CAMK2D: variants seen among roughly 807,000 people sequenced by gnomAD.
CAMK2D encodes calcium/calmodulin dependent protein kinase II delta, also known as calcium/calmodulin-dependent protein kinase type II subunit delta.
In CAMK2D, 37 loss-of-function variants were observed where a neutral mutation model predicts 84.0. That is an observed-to-expected ratio of 0.44 (90% confidence interval 0.34 to 0.58). The LOEUF is 0.58. CAMK2D is among the 20% of genes least tolerant of loss of function. CAMK2D has a pLI of 0.02. For missense variants in CAMK2D, 448 were observed against 652.5 expected (o/e 0.69, Z 3.41); for synonymous variants, 202 against 212.5 (o/e 0.95, Z 0.43).
intron 2 of CAMK2D, among the ~76,000 whole-genome samples, chr4:113,682,143 T>G (rs1221479243): frequency 6.6e-6 from 1 of 152,170 alleles, no homozygotes; most frequent in African/African-American, 2.4e-5. Flanking sequence ...TAAATCAGAT[T>G]ACATATGTTA....
intron 16 of CAMK2D, among the ~76,000 whole-genome samples, chr4:113,487,867 A>T (rs1209900907): frequency 6.6e-6 from 1 of 152,046 alleles, no homozygotes; most frequent in Non-Finnish European, 1.5e-5. Flanking sequence ...TTATATAAAG[A>T]GATCTTACAA....
At chr4:113,463,379 A>G (rs937662426) in intron 17 of CAMK2D, among the ~76,000 whole-genome samples, 3 of 151,894 alleles carry the variant, frequency 2.0e-5, no homozygotes, top group Admixed American at 6.6e-5. Flanking sequence ...TTATTTATTT[A>G]TTTGTTTATT....
intron 2 of CAMK2D, among the ~76,000 whole-genome samples, chr4:113,732,249 A>G (rs1348497449): frequency 1.3e-5 from 2 of 151,964 alleles, no homozygotes; most frequent in Non-Finnish European, 2.9e-5. Flanking sequence ...TCAGCCTCCC[A>G]GGTAGCTGGA....
intron 12 of CAMK2D, 23 bp downstream of exon 12, chr4:113,513,305 A>G (rs751627296): frequency 6.2e-7 from 1 of 1,611,432 alleles, no homozygotes; most frequent in African/African-American, 1.3e-5. Context: ...AGGGATAAGA[A>G]GCAGAGTTCC....
chr4:113,527,702 C>A (rs2098428954), intron 8 of CAMK2D, among the ~76,000 whole-genome samples: 1 of 151,862 alleles, frequency 6.6e-6, no homozygotes, highest in Admixed American at 6.6e-5. Flanking sequence ...TCTTCAACAC[C>A]AATAAAACTT....
rs531754469 is a variant in CAMK2D at position 113,630,896 on chromosome 4, A to C, written c.221-21690T>G. 1.4e-4 allele frequency among the ~76,000 whole-genome samples: 21 copies of C among 152,314 alleles called. 1 individual carries two copies. The South Asian group carries it at 4.3e-3, about 32-fold the overall frequency. On this transcript the variant is annotated intron_variant, in intron 3 of 20. Coordinates refer to ENST00000511664, the MANE Select transcript of CAMK2D (RefSeq NM_001321571.2). ...GCTAAGACATAACTCAGAGTGTTGT[A>C]ATTTCATGAATTTAGAAAGTCTACT... is the stretch of plus-strand genomic sequence containing the variant.
chr4:113,735,894 A>G (rs776621774), intron 2 of CAMK2D, among the ~76,000 whole-genome samples: 1 of 152,158 alleles, frequency 6.6e-6, no homozygotes, highest in Non-Finnish European at 1.5e-5. Flanking sequence ...ACTTTCTACA[A>G]AAGAAAGTAC....
intron 3 of CAMK2D, among the ~76,000 whole-genome samples, chr4:113,625,134 C>T (rs996163146): frequency 1.3e-5 from 2 of 152,162 alleles, no homozygotes; most frequent in African/African-American, 4.8e-5. Context: ...CATGTACATA[C>T]TTCTTTAATT....
At chr4:113,752,773 T>C (rs976348655) in intron 2 of CAMK2D, among the ~76,000 whole-genome samples, 2 of 152,180 alleles carry the variant, frequency 1.3e-5, no homozygotes, top group Non-Finnish European at 2.9e-5. Context: ...CACTATATTG[T>C]TGTCCTTCCA....
chr4:113,622,294 G>A (rs937589974), intron 3 of CAMK2D, among the ~76,000 whole-genome samples: 1 of 152,032 alleles, frequency 6.6e-6, no homozygotes, highest in Non-Finnish European at 1.5e-5. Flanking sequence ...CATCCAAACT[G>A]GGACACTCTG....
intron 2 of CAMK2D, among the ~76,000 whole-genome samples, chr4:113,727,580 CA>C (rs1256286429): frequency 6.6e-6 from 1 of 151,916 alleles, no homozygotes; most frequent in Non-Finnish European, 1.5e-5. Flanking sequence ...GAAGAAAACA[CA>C]AGAGGAAATT....
chr4:113,549,434 T>C (rs2098607645), intron 5 of CAMK2D, among the ~76,000 whole-genome samples: 1 of 152,216 alleles, frequency 6.6e-6, no homozygotes, highest in Non-Finnish European at 1.5e-5. Context: ...TTGGTAATTA[T>C]TAAACCCACT....
rs898514789 is a variant in CAMK2D, at chr4:113,533,425, A to G, written c.518-2126T>C. On this transcript the variant is annotated intron_variant, in intron 7 of 20. Transcript: ENST00000511664. The stretch of plus-strand genomic sequence containing the variant: ...ATCTAGGATTATCATACTACATGCC[A>G]TCAATAGAAAAAGTAATGAGAGCTT... Among the ~76,000 whole-genome samples the G allele has an allele frequency of 2.0e-5, 3 of 152,252 alleles. No individual in the cohort carries two copies. In the South Asian group the frequency reaches 6.2e-4, roughly 32 times the overall value.
chr4:113,546,085 A>G (rs2098567044), intron 6 of CAMK2D, among the ~76,000 whole-genome samples: 1 of 152,204 alleles, frequency 6.6e-6, no homozygotes, highest in Admixed American at 6.5e-5. Context: ...GAGGATTCAC[A>G]TTTTTTAATA....
chr4:113,547,547 C>A, intron 6 of CAMK2D, 97 bp downstream of exon 6: 1 of 655,476 alleles, frequency 1.5e-6, no homozygotes. Flanking sequence ...GTCCACACAA[C>A]TTTATTGCTC....
intron 7 of CAMK2D, among the ~76,000 whole-genome samples, chr4:113,533,205 C>G (rs2098469396): frequency 1.3e-5 from 2 of 152,104 alleles, no homozygotes; most frequent in South Asian, 4.2e-4. Flanking sequence ...AAGAGAATAC[C>G]AGCATGCTCA....
intron 3 of CAMK2D, among the ~76,000 whole-genome samples, chr4:113,649,123 C>T (rs537243120): frequency 1.3e-5 from 2 of 152,142 alleles, no homozygotes; most frequent in African/African-American, 4.8e-5. Flanking sequence ...GGTAGCTTTG[C>T]CCTCCTTGCC....
chr4:113,575,744 C>A (rs548551059), intron 4 of CAMK2D, among the ~76,000 whole-genome samples: 1 of 152,006 alleles, frequency 6.6e-6, no homozygotes, highest in Non-Finnish European at 1.5e-5. Flanking sequence ...TTCTAATTGC[C>A]TAAATGCTTG....
chr4:113,655,170 A>G (rs1430524995), intron 3 of CAMK2D, among the ~76,000 whole-genome samples: 7 of 152,116 alleles, frequency 4.6e-5, no homozygotes, highest in African/African-American at 1.7e-4. Flanking sequence ...GAGAGGAACT[A>G]GAACTTGGTG....
Sources: gnomAD v4.1 joint callset for allele counts (sites outside exome capture counted in the v4.1 genomes callset) on GRCh38, gnomAD v4.1.1 for gene constraint, MANE v1.5 for transcripts, NCBI Gene and HGNC (gene_info 2026-07-23, HGNC 2026-07-21) for gene names.